Variants in SELENOS observed in about 807,000 individuals in gnomAD.
The protein encoded by SELENOS is VCP interacting membrane selenoprotein.
A neutral mutation model predicts 30.2 loss-of-function variants in SELENOS; 37 were observed. The observed-to-expected ratio is 1.23, with a 90% CI of 0.94 to 1.61. SELENOS has a LOEUF of 1.61. Among genes scored for constraint, SELENOS ranks in the 40% most tolerant of loss-of-function variants. The pLI, the probability that SELENOS is intolerant of heterozygous loss-of-function variation, is 0.00. For missense variants in SELENOS, 289 were observed against 231.8 expected (o/e 1.25, Z -1.60); for synonymous variants, 119 against 91.6 (o/e 1.30, Z -1.71).
chr15:101,274,750 C>T, intron 3 of SELENOS, 69 bp from the exon 4 acceptor site: 1 of 1,418,946 alleles, frequency 7.0e-7, no homozygotes, highest in Admixed American at 2.5e-5. Context: ...AAAGCTAACT[C>T]TGATAATTCT....
In SELENOS at chr15:101,277,330, G is replaced by A; in HGVS notation, c.76+12C>T. 1 of 1,510,594 alleles carries A rather than the reference G, an allele frequency of 6.6e-7. No homozygotes were observed. Among genetic ancestry groups the A allele is most frequent in the South Asian group, 1.2e-5 (1 of 80,526 alleles). The allele number at this position is 1,510,594 out of a possible 1,614,324, so 93.6% of individuals were successfully genotyped here. On this transcript the variant is annotated intron_variant, in intron 1 of 5. Transcript: ENST00000526049. The stretch of plus-strand genomic sequence containing the variant: ...GTGGCGGCGCGCGCCCGGCTGCCCC[G>A]CAACGACTCACCCGTGGTGTGCAGG...
rs2039277131 is a variant in SELENOS, at chr15:101,272,384, A to C, written c.*387T>G. On this transcript the variant is annotated 3_prime_UTR_variant, in exon 6 of 6. Transcript: ENST00000526049. ...ATCAGTAATCCTCACTGGTGGGCTC[A>C]CCATTGATAAGGAAGACATCATTCA... The C allele has an allele frequency of 5.9e-6, 1 of 169,068 alleles. No homozygotes were observed. Among genetic ancestry groups the C allele is most frequent in the South Asian group, 1.6e-4 (1 of 6,182 alleles). 10.5% of individuals were successfully genotyped at this position (169,068 alleles called of 1,614,324 possible).
At chr15:101,277,312 C>G (rs1359706792) in intron 1 of SELENOS, 30 bp downstream of exon 1, 1 of 1,502,612 alleles carries the variant, frequency 6.7e-7, no homozygotes, top group African/African-American at 1.4e-5. Context: ...AAAGTGGCGG[C>G]GCGCGCCCGG....
At chr15:101,273,841 C>T (rs1442248574) in intron 5 of SELENOS, among the ~76,000 whole-genome samples, 2 of 152,202 alleles carry the variant, frequency 1.3e-5, no homozygotes, top group East Asian at 1.9e-4. Context: ...CAAAATCTTC[C>T]GCCTTGGTTC....
chr15:101,276,024 C>T (rs2009895), intron 2 of SELENOS, among the ~76,000 whole-genome samples: 5,110 of 150,756 alleles, frequency 0.034, 341 homozygotes, highest in East Asian at 0.24. Flanking sequence ...CAGGTTCAAG[C>T]GATTTCTCCT....
intron 5 of SELENOS, among the ~76,000 whole-genome samples, chr15:101,273,223 A>T (rs1170820020): frequency 6.9e-6 from 1 of 143,994 alleles, no homozygotes; most frequent in Non-Finnish European, 1.5e-5. Context: ...ACGCTACAGA[A>T]AACAGATTAA....
At chr15:101,276,332 T>G (rs1310066824) in intron 2 of SELENOS, 2 of 487,278 alleles carry the variant, frequency 4.1e-6, no homozygotes, top group Non-Finnish European at 6.8e-6. Context: ...CACTGCAGCT[T>G]TGACTCCCTG....
intron 1 of SELENOS, chr15:101,277,090 A>G: frequency 1.4e-6 from 1 of 702,128 alleles, no homozygotes; most frequent in Non-Finnish European, 2.5e-6. Context: ...AGTAACTACC[A>G]CAGGAAGGGC....
intron 5 of SELENOS, among the ~76,000 whole-genome samples, chr15:101,273,263 T>C (rs2039289656): frequency 6.6e-6 from 1 of 152,194 alleles, no homozygotes; most frequent in African/African-American, 2.4e-5. Flanking sequence ...TTGTCACTTC[T>C]ACCAGTCAGA....
chr15:101,276,167 C>A (rs1026291362), intron 2 of SELENOS, among the ~76,000 whole-genome samples: 4 of 151,876 alleles, frequency 2.6e-5, no homozygotes, highest in African/African-American at 9.7e-5. Flanking sequence ...AAGTCATCCT[C>A]CTGCCTCGGC....
chr15:101,274,771 G>A (rs1016213040), intron 3 of SELENOS, 90 bp from the exon 4 acceptor site: 10 of 1,319,184 alleles, frequency 7.6e-6, no homozygotes, highest in African/African-American at 7.5e-5. Context: ...TAATTTAAAT[G>A]TCTTTCAGAA....
intron 2 of SELENOS, 84 bp from the exon 3 acceptor site, chr15:101,275,445 T>G: frequency 9.0e-7 from 1 of 1,116,098 alleles, no homozygotes; most frequent in South Asian, 1.8e-5. Context: ...ATTAAAAGTA[T>G]AAAGAGGTAT....
Position 101,272,397 on chromosome 15 carries a change from A to G in SELENOS, c.*374T>C. On this transcript the variant is annotated 3_prime_UTR_variant, in exon 6 of 6. Transcript: ENST00000526049. ...ACTGGTGGGCTCACCATTGATAAGG[A>G]AGACATCATTCAACGCAACCTGTCA... The G allele has an allele frequency of 5.6e-6, 1 of 177,796 alleles. No homozygotes were observed. The highest frequency in any genetic ancestry group is 1.2e-5 in the Non-Finnish European group (1 of 83,658). The allele number at this position is 177,796 out of a possible 1,614,324, so 11.0% of individuals were successfully genotyped here.
intron 5 of SELENOS, 151 bp downstream of exon 5, chr15:101,274,269 G>T: frequency 1.2e-6 from 1 of 864,808 alleles, no homozygotes; most frequent in Non-Finnish European, 1.8e-6. Flanking sequence ...CCTAGGAGGT[G>T]ATTTGCATCT....
intron 5 of SELENOS, among the ~76,000 whole-genome samples, chr15:101,273,961 A>C (rs1401349667): frequency 1.3e-5 from 2 of 152,166 alleles, no homozygotes; most frequent in Non-Finnish European, 2.9e-5. Context: ...ATCTTCCCAG[A>C]TTTGAAATTC....
intron 5 of SELENOS, 96 bp from the exon 6 acceptor site, chr15:101,272,952 A>G: frequency 9.3e-7 from 1 of 1,076,136 alleles, no homozygotes; most frequent in Non-Finnish European, 1.4e-6. Flanking sequence ...GTGACACGCA[A>G]AGCACTGCAA....
At position 101,275,444 on chromosome 15, in the gene SELENOS, A is replaced by G. The variant is rs150171574; in HGVS notation, c.212-83T>C. The G allele has an allele frequency of 4.4e-3, 4,913 of 1,112,618 alleles. 46 individuals carry two copies. The highest frequency in any genetic ancestry group is 0.041 in the Admixed American group (1,249 of 30,386). 68.9% of individuals were successfully genotyped at this position (1,112,618 alleles called of 1,614,324 possible). A position where few individuals can be genotyped will look rare whatever the true frequency, so the allele number is the denominator to read the frequency against. ...TTTGAGTGTCCATATTATTAAAAGT[A>G]TAAAGAGGTATGGATATCAGACAAT... On this transcript the variant is annotated intron_variant, in intron 2 of 5. Coordinates refer to ENST00000526049, the MANE Select transcript of SELENOS (RefSeq NM_018445.6).
chr15:101,276,946 C>G, intron 1 of SELENOS: 1 of 524,928 alleles, frequency 1.9e-6, no homozygotes, highest in South Asian at 2.2e-5. Context: ...GAATGAAGAG[C>G]AACTAATCTG....
chr15:101,277,472 T>G lies in SELENOS; in HGVS notation c.-55A>C, dbSNP rs2039345911. On this transcript the variant is annotated 5_prime_UTR_variant, in exon 1 of 6. Transcript: ENST00000526049. ...GCCGCCGCGCCTCCAGCCGGGCGCTTCCGGTGCGCTCCTACGCACACGTGG... is the reference window on the plus strand; with the variant it reads ...GCCGCCGCGCCTCCAGCCGGGCGCTGCCGGTGCGCTCCTACGCACACGTGG... 8.6e-6 allele frequency: 12 copies of G among 1,390,556 alleles called. No homozygotes were observed. In the South Asian group the frequency reaches 1.1e-4, roughly 13 times the overall value. The allele number at this position is 1,390,556 out of a possible 1,614,324, so 86.1% of individuals were successfully genotyped here.
Sources: gnomAD v4.1 joint callset for allele counts (sites outside exome capture counted in the v4.1 genomes callset) on GRCh38, gnomAD v4.1.1 for gene constraint, MANE v1.5 for transcripts, NCBI Gene and HGNC (gene_info 2026-07-23, HGNC 2026-07-21) for gene names.